DLGAP1: variants seen among roughly 807,000 people sequenced by gnomAD.
The protein encoded by DLGAP1 is DLG associated protein 1, also known as disks large-associated protein 1.
A neutral mutation model predicts 90.8 loss-of-function variants in DLGAP1; 11 were observed. The ratio of observed to expected loss-of-function variants is 0.12; its 90% CI spans 0.08 to 0.20. DLGAP1 has a LOEUF of 0.20. Ranked by LOEUF, DLGAP1 falls within the 10% of genes least tolerant of loss-of-function variation. The pLI is 1.00. For synonymous variants in DLGAP1, 558 were observed against 540.7 expected (o/e 1.03, Z -0.44); for missense variants, 1,050 against 1,333.8 (o/e 0.79, Z 3.31).
chr18:4,014,855 C>T (rs1360219184), intron 2 of DLGAP1, among the ~76,000 whole-genome samples: 1 of 152,092 alleles, frequency 6.6e-6, no homozygotes, highest in African/African-American at 2.4e-5. Context: ...AGGTTCTACC[C>T]CAACCTCACC....
intron 3 of DLGAP1, among the ~76,000 whole-genome samples, chr18:3,957,862 GGA>G (rs1445450211): frequency 1.3e-5 from 2 of 151,400 alleles, no homozygotes; most frequent in African/African-American, 4.9e-5. Context: ...CTTGTTCAGT[GGA>G]GTCATTTTTA....
At chr18:3,945,017 C>A (rs1176118216) in intron 3 of DLGAP1, among the ~76,000 whole-genome samples, 1 of 152,150 alleles carries the variant, frequency 6.6e-6, no homozygotes, top group Non-Finnish European at 1.5e-5. Flanking sequence ...TGGTTTCTTA[C>A]ATCTAGGGTA....
At chr18:3,658,914 G>A (rs185139403) in intron 7 of DLGAP1, among the ~76,000 whole-genome samples, 42 of 152,236 alleles carry the variant, frequency 2.8e-4, no homozygotes, top group African/African-American at 9.9e-4. Flanking sequence ...GGAAGACAGG[G>A]GTGGCAGTGA....
chr18:4,418,885 G>A (rs571677988), intron 1 of DLGAP1, among the ~76,000 whole-genome samples: 29 of 151,732 alleles, frequency 1.9e-4, no homozygotes, highest in Non-Finnish European at 2.8e-4. Context: ...CTCAGAGAGC[G>A]CAAAGCATGA....
At chr18:3,779,527 C>G (rs1424002537) in intron 5 of DLGAP1, among the ~76,000 whole-genome samples, 1 of 152,132 alleles carries the variant, frequency 6.6e-6, no homozygotes, top group Non-Finnish European at 1.5e-5. Flanking sequence ...CTGCTGTGGA[C>G]AAGAAAGACG....
intron 3 of DLGAP1, among the ~76,000 whole-genome samples, chr18:3,911,499 G>C (rs538688560): frequency 7.9e-5 from 12 of 152,258 alleles, no homozygotes; most frequent in African/African-American, 2.4e-4. Context: ...TCAGTAGATG[G>C]ATTAGAACAT....
chr18:4,185,370 G>C (rs570514929), intron 1 of DLGAP1, among the ~76,000 whole-genome samples: 75 of 151,752 alleles, frequency 4.9e-4, no homozygotes, highest in African/African-American at 1.7e-3. Context: ...TCACCACCCA[G>C]GTACCCAATA....
intron 5 of DLGAP1, chr18:3,771,104 G>A (rs2064511939): frequency 6.6e-6 from 1 of 152,136 alleles, no homozygotes; most frequent in Non-Finnish European, 1.5e-5. Flanking sequence ...AGCAATATAA[G>A]CTATTCGACA....
At chr18:3,936,370 C>T (rs1194814274) in intron 3 of DLGAP1, among the ~76,000 whole-genome samples, 1 of 152,196 alleles carries the variant, frequency 6.6e-6, no homozygotes, top group Non-Finnish European at 1.5e-5. Context: ...CTTCTTTGCC[C>T]CACAGACCAT....
rs557816202 is a variant in DLGAP1, at chr18:4,445,431, A to G, written c.-267+9575T>C. Among the ~76,000 whole-genome samples the G allele has an allele frequency of 2.0e-4, 29 of 144,232 alleles. No homozygotes were observed. In the South Asian group the frequency reaches 3.2e-3, roughly 16 times the overall value. The allele number at this position is 144,232 out of a possible 152,430, so 94.6% of individuals were successfully genotyped here. On this transcript the variant is annotated intron_variant, in intron 1 of 12. Transcript: ENST00000315677. ...CATCTAGCATTAGGTATATCTCCCA[A>G]TGCTATCCCTCCCCCCTCCCCCCAC... is the stretch of plus-strand genomic sequence containing the variant.
chr18:4,133,564 A>G (rs560095522), intron 2 of DLGAP1, among the ~76,000 whole-genome samples: 5 of 152,256 alleles, frequency 3.3e-5, no homozygotes, highest in African/African-American at 1.2e-4. Context: ...ATTATGCCAC[A>G]GTGGCTAAGG....
rs1395788195 is a variant in DLGAP1 at position 3,711,053 on chromosome 18, C to A, written c.1591+18082G>T. ...GCCAGTGCGTCTGCAACAGAAGAGT[C>A]CAGAAACACGACAGAGGAAGTCAGA... On this transcript the variant is annotated intron_variant, in intron 7 of 12. Coordinates refer to ENST00000315677, the MANE Select transcript of DLGAP1 (RefSeq NM_004746.4). This position sits in a 1 kb window ranked among gnomAD's most constrained non-coding sequence, Gnocchi z 4.0. 6.6e-6 allele frequency among the ~76,000 whole-genome samples: 1 copy of A among 152,174 alleles called. No individual in the cohort carries two copies. Among genetic ancestry groups the A allele is most frequent in the East Asian group, 1.9e-4 (1 of 5,196 alleles).
chr18:4,130,708 G>A (rs1423453128), intron 2 of DLGAP1, among the ~76,000 whole-genome samples: 1 of 152,064 alleles, frequency 6.6e-6, no homozygotes, highest in African/African-American at 2.4e-5. Flanking sequence ...ACAAGAGAGC[G>A]GCACATTGCG....
At chr18:3,858,156 A>G (rs1218736033) in intron 4 of DLGAP1, among the ~76,000 whole-genome samples, 1 of 152,130 alleles carries the variant, frequency 6.6e-6, no homozygotes, top group Admixed American at 6.6e-5. Context: ...TACATTAATT[A>G]TCTCAGTTGG....
intron 3 of DLGAP1, among the ~76,000 whole-genome samples, chr18:3,901,928 G>A (rs2071792921): frequency 6.6e-6 from 1 of 152,144 alleles, no homozygotes; most frequent in Non-Finnish European, 1.5e-5. Flanking sequence ...GGTACTCTGA[G>A]ATTTTTCTTC....
intron 4 of DLGAP1, among the ~76,000 whole-genome samples, chr18:3,862,196 AAC>A (rs1455224003): frequency 1.3e-5 from 2 of 152,194 alleles, no homozygotes; most frequent in Non-Finnish European, 2.9e-5. Context: ...TCTTTTGGGT[AAC>A]ACGTAAACTG....
intron 7 of DLGAP1, among the ~76,000 whole-genome samples, chr18:3,631,172 T>C (rs1466502713): frequency 6.6e-6 from 1 of 151,116 alleles, no homozygotes; most frequent in Non-Finnish European, 1.5e-5. Context: ...TAAGTAGAGA[T>C]GGGGTTTCAC....
At chr18:3,551,566 C>A (rs1320136211) in intron 9 of DLGAP1, among the ~76,000 whole-genome samples, 4 of 152,064 alleles carry the variant, frequency 2.6e-5, no homozygotes, top group African/African-American at 9.7e-5. Flanking sequence ...ACTATTATTT[C>A]TATGAACACT....
Position 3,711,634 on chromosome 18 carries a change from T to A in DLGAP1, c.1591+17501A>T, listed in dbSNP as rs1009335935. 6.6e-6 allele frequency among the ~76,000 whole-genome samples: 1 copy of A among 151,134 alleles called. No individual in the cohort carries two copies. Among genetic ancestry groups the A allele is most frequent in the Non-Finnish European group, 1.5e-5 (1 of 67,802 alleles). ...CAGGAGGATCACTTGAGCCCAGGAGTCTGAGACCAGCCTGGGCAACACAGC... is the reference window on the plus strand; with the variant it reads ...CAGGAGGATCACTTGAGCCCAGGAGACTGAGACCAGCCTGGGCAACACAGC... On this transcript the variant is annotated intron_variant, in intron 7 of 12. Transcript: ENST00000315677. The surrounding 1 kb of genome is among the most constrained non-coding windows in gnomAD (Gnocchi z 4.0).
Sources: gnomAD v4.1 joint callset for allele counts (sites outside exome capture counted in the v4.1 genomes callset) on GRCh38, gnomAD v4.1.1 for gene constraint, Gnocchi (gnomAD v3.1) non-coding constraint, MANE v1.5 for transcripts, NCBI Gene and HGNC (gene_info 2026-07-23, HGNC 2026-07-21) for gene names.